FRYL: variants seen among roughly 807,000 people sequenced by gnomAD.
The protein encoded by FRYL is protein furry homolog-like.
A neutral mutation model predicts 351.2 loss-of-function variants in FRYL; 150 were observed. That is an observed-to-expected ratio of 0.43 (90% confidence interval 0.37 to 0.49). The LOEUF (loss-of-function observed/expected upper bound fraction) is 0.49, where lower values mean the gene tolerates loss of function less well. Among genes scored for constraint, FRYL ranks in the 20% least tolerant of loss-of-function variants. The pLI, the probability that FRYL is intolerant of heterozygous loss-of-function variation, is 0.00. For synonymous variants in FRYL, 1,153 were observed against 1,257.1 expected (o/e 0.92, Z 1.75); for missense variants, 3,036 against 3,619.3 (o/e 0.84, Z 4.13).
rs200808178 is a variant in FRYL at position 48,551,516 on chromosome 4, T to C, written c.4498A>G (p.Ile1500Val). 20 of 1,609,434 alleles carry C rather than the reference T, an allele frequency of 1.2e-5. No individual in the cohort carries two copies. The highest frequency in any genetic ancestry group is 1.7e-4 in the Middle Eastern group (1 of 6,046). ...PTDGNPDNKP[I>V]KENIEESYVH... ...TACCTCTCTTCAATATTCTCTTTAATGGGCTTATTATCAGGATTGCCATCT... is the reference window on the plus strand; with the variant it reads ...TACCTCTCTTCAATATTCTCTTTAACGGGCTTATTATCAGGATTGCCATCT... Residue 1500 changes from isoleucine (I) to valine (V), a missense_variant, in exon 37 of 64, where the codon ATT becomes GTT. Ile to Val is a conservative substitution (Grantham distance 29, BLOSUM62 3). Transcript: ENST00000358350.
intron 53 of FRYL, among the ~76,000 whole-genome samples, chr4:48,525,196 T>TATATATATATATATATATATAC (rs759279145): frequency 7.5e-6 from 1 of 133,054 alleles, no homozygotes; most frequent in African/African-American, 3.0e-5. Context: ...TATATATATA[T>TATATATATATATATATATATAC]ACACACACTT....
chr4:48,616,983 C>CG (rs1749600894), intron 7 of FRYL, among the ~76,000 whole-genome samples: 1 of 152,116 alleles, frequency 6.6e-6, no homozygotes, highest in Admixed American at 6.6e-5. Flanking sequence ...ATTTTTACAT[C>CG]GTTTTCTCTA....
At chr4:48,694,722 C>A (rs114606893) in intron 2 of FRYL, among the ~76,000 whole-genome samples, 1 of 152,290 alleles carries the variant, frequency 6.6e-6, no homozygotes, top group African/African-American at 2.4e-5. Context: ...ATATTCTAGT[C>A]ATTTCCCACT....
intron 3 of FRYL, among the ~76,000 whole-genome samples, chr4:48,675,513 C>A (rs1410237390): frequency 1.3e-5 from 2 of 152,356 alleles, no homozygotes; most frequent in East Asian, 3.9e-4. Flanking sequence ...TGTACTGGGT[C>A]CCCCAGCAGT....
intron 7 of FRYL, among the ~76,000 whole-genome samples, chr4:48,616,471 C>A (rs1749455767): frequency 6.6e-6 from 1 of 152,030 alleles, no homozygotes; most frequent in Non-Finnish European, 1.5e-5. Context: ...AAAATGATAT[C>A]ACACATTTTT....
chr4:48,767,343 A>T (rs925356226), intron 1 of FRYL, among the ~76,000 whole-genome samples: 7 of 152,092 alleles, frequency 4.6e-5, no homozygotes, highest in Non-Finnish European at 8.8e-5. Flanking sequence ...GCAAGGGGGA[A>T]ATCTGACCGA....
chr4:48,660,541 A>G (rs545990122), intron 3 of FRYL, among the ~76,000 whole-genome samples: 1 of 152,304 alleles, frequency 6.6e-6, no homozygotes, highest in South Asian at 2.1e-4. Flanking sequence ...GAATAGCTCC[A>G]ATAAAAACCC....
intron 4 of FRYL, among the ~76,000 whole-genome samples, chr4:48,632,117 T>TATATATATATATATATAC (rs1753313758): frequency 5.0e-5 from 2 of 39,984 alleles, no homozygotes; most frequent in Non-Finnish European, 1.3e-4. Context: ...TATATATATA[T>TATATATATATATATATAC]ATATATATAT....
chr4:48,656,431 A>C (rs2149453788), intron 3 of FRYL, among the ~76,000 whole-genome samples: 1 of 135,536 alleles, frequency 7.4e-6, no homozygotes, highest in African/African-American at 2.7e-5. Context: ...ATAATGTATA[A>C]TCATGTGTGT....
At chr4:48,532,845 C>A (rs1727970444) in intron 49 of FRYL, among the ~76,000 whole-genome samples, 1 of 152,016 alleles carries the variant, frequency 6.6e-6, no homozygotes. Context: ...TAATTCAATT[C>A]TGTGAAATAT....
intron 26 of FRYL, among the ~76,000 whole-genome samples, chr4:48,572,569 C>T (rs1247149278): frequency 2.0e-5 from 3 of 152,192 alleles, no homozygotes; most frequent in Non-Finnish European, 4.4e-5. Flanking sequence ...TAATGCCTTC[C>T]TTACCCTGCA....
chr4:48,645,293 A>T (rs1756247849), intron 3 of FRYL, among the ~76,000 whole-genome samples: 1 of 151,718 alleles, frequency 6.6e-6, no homozygotes, highest in African/African-American at 2.4e-5. Context: ...GTTCTTACAA[A>T]AGATAAATAT....
In FRYL at chr4:48,670,346, C is replaced by A. The variant is rs1176239454; in HGVS notation, c.-81+14327G>T. On this transcript the variant is annotated intron_variant, in intron 3 of 63. Transcript: ENST00000358350. ...TACTTGGAAGGCTGAGGCAGGAAGA[C>A]TGCTTGAACCCGAGAGGAGGAGGCT... is the stretch of plus-strand genomic sequence containing the variant. Among the ~76,000 whole-genome samples the A allele has an allele frequency of 2.6e-5, 4 of 151,788 alleles. No individual in the cohort carries two copies. In the South Asian group the frequency reaches 8.3e-4, roughly 32 times the overall value.
At chr4:48,554,182 C>T (rs1040949188) in intron 35 of FRYL, among the ~76,000 whole-genome samples, 1 of 152,140 alleles carries the variant, frequency 6.6e-6, no homozygotes, top group Non-Finnish European at 1.5e-5. Context: ...CCTAGCAAGA[C>T]AGGCATCATC....
At chr4:48,566,623 C>A (rs1736855215) in intron 28 of FRYL, among the ~76,000 whole-genome samples, 1 of 152,116 alleles carries the variant, frequency 6.6e-6, no homozygotes, top group South Asian at 2.1e-4. Flanking sequence ...TTTAGGTATC[C>A]ACTGTCTGTA....
chr4:48,739,311 G>A (rs1475760230), intron 1 of FRYL, among the ~76,000 whole-genome samples: 1 of 149,320 alleles, frequency 6.7e-6, no homozygotes, highest in African/African-American at 2.5e-5. Flanking sequence ...TGAGAAAGGA[G>A]AATTGCCTGA....
At chr4:48,552,205 T>A (rs7654653) in intron 36 of FRYL, among the ~76,000 whole-genome samples, 3,222 of 151,936 alleles carry the variant, frequency 0.021, 108 homozygotes, top group African/African-American at 0.073. Context: ...GTTTGAAGCC[T>A]GTGTATATGT....
In FRYL at chr4:48,716,627, T is replaced by G. The variant is rs376220532; in HGVS notation, c.-383-5929A>C. Among the ~76,000 whole-genome samples the G allele has an allele frequency of 1.9e-4, 29 of 151,488 alleles. No homozygotes were observed. The East Asian group carries it at 4.1e-3, about 21-fold the overall frequency. Reference sequence around the variant, plus strand: ...CATTAAAAAGTCAGGAAACAACAGGTGCTGGAGAGGATGTGGAGAAATCGG... The same window carrying G: ...CATTAAAAAGTCAGGAAACAACAGGGGCTGGAGAGGATGTGGAGAAATCGG... On this transcript the variant is annotated intron_variant, in intron 1 of 63. Transcript: ENST00000358350.
At position 48,582,519 on chromosome 4, in the gene FRYL, T is replaced by C. The variant is rs1268967622; in HGVS notation, c.1964A>G (p.His655Arg). 2 of 1,613,186 alleles carry C rather than the reference T, an allele frequency of 1.2e-6. No homozygotes were observed. The highest frequency in any genetic ancestry group is 1.7e-4 in the Middle Eastern group (1 of 6,060). Residue 655 changes from histidine (H) to arginine (R), a missense_variant, in exon 20 of 64, where the codon CAT becomes CGT. Transcript: ENST00000358350. ...TACCTGAGTGTCCTGGTTTTTATTA[T>C]GCATTTGGGCTGCTTGTTTCCACTG... is the stretch of plus-strand genomic sequence containing the variant. ...INQWKQAAQM[H>R]NKNQDTQHGV...
Sources: gnomAD v4.1 joint callset for allele counts (sites outside exome capture counted in the v4.1 genomes callset) on GRCh38, gnomAD v4.1.1 for gene constraint, MANE v1.5 for transcripts, NCBI Gene and HGNC (gene_info 2026-07-23, HGNC 2026-07-21) for gene names.